Variants in C8orf34 observed in about 807,000 individuals in gnomAD.
C8orf34 encodes chromosome 8 open reading frame 34, also known as uncharacterized protein C8orf34.
In C8orf34, 65 loss-of-function variants were observed where a neutral mutation model predicts 68.3. That is an observed-to-expected ratio of 0.95 (90% CI 0.78 to 1.17). The LOEUF (loss-of-function observed/expected upper bound fraction) is 1.17. Ranked by LOEUF, C8orf34 falls within the 50% of genes most tolerant of loss-of-function variation. The pLI, the probability that C8orf34 is intolerant of heterozygous loss-of-function variation, is 0.00. For synonymous variants in C8orf34, 244 were observed against 241.2 expected, an observed-to-expected ratio of 1.01 and a Z score of -0.11; for missense variants, 664 against 655.4, an observed-to-expected ratio of 1.01 and a Z score of -0.14.
At chr8:68,462,759 A>G (rs1811903919) in intron 3 of C8orf34, among the ~76,000 whole-genome samples, 2 of 152,140 alleles carry the variant, frequency 1.3e-5, no homozygotes, top group Non-Finnish European at 2.9e-5. Flanking sequence ...CAAAGACACA[A>G]CATACCAGAA....
rs562881468 is a variant in C8orf34 at position 68,473,216 on chromosome 8, G to A, written c.736+4396G>A. ...AGGAGAACAGTTCTCTCTCTTGTAA[G>A]AGAGAGGGGTGCCCAAATGGGACTT... On this transcript the variant is annotated intron_variant, in intron 4 of 13. Transcript: ENST00000518698. Among the ~76,000 whole-genome samples the A allele has an allele frequency of 2.4e-4, 36 of 152,264 alleles. No homozygotes were observed. In the South Asian group the frequency reaches 3.9e-3, roughly 17 times the overall value.
chr8:68,625,741 T>G (rs1230011605), intron 7 of C8orf34: 1 of 549,346 alleles, frequency 1.8e-6, no homozygotes, highest in African/African-American at 1.9e-5. Context: ...AACAGCAATT[T>G]TAGTATATGG....
chr8:68,447,327 A>G (rs1217107116), intron 3 of C8orf34: 1 of 152,194 alleles, frequency 6.6e-6, no homozygotes, highest in Non-Finnish European at 1.5e-5. Flanking sequence ...TTGGTGATCA[A>G]ATTTACCATG....
At chr8:68,583,677 G>A (rs541716468) in intron 7 of C8orf34, among the ~76,000 whole-genome samples, 1 of 152,266 alleles carries the variant, frequency 6.6e-6, no homozygotes, top group South Asian at 2.1e-4. Flanking sequence ...CTACACTCAT[G>A]TCATCAACAG....
At chr8:68,391,707 C>T (rs905777199) in intron 1 of C8orf34, among the ~76,000 whole-genome samples, 3 of 152,214 alleles carry the variant, frequency 2.0e-5, no homozygotes, top group Non-Finnish European at 4.4e-5. Context: ...TTCTCACTCA[C>T]ACTCCATGTC....
intron 7 of C8orf34, among the ~76,000 whole-genome samples, chr8:68,554,520 T>C (rs1816190303): frequency 6.6e-6 from 1 of 152,172 alleles, no homozygotes; most frequent in Admixed American, 6.5e-5. Context: ...CTTTTTTTCC[T>C]ATCTCAGCTG....
At chr8:68,550,321 T>G (rs1816023238) in intron 7 of C8orf34, among the ~76,000 whole-genome samples, 1 of 151,800 alleles carries the variant, frequency 6.6e-6, no homozygotes, top group African/African-American at 2.4e-5. Context: ...TCCAAGTCCA[T>G]GTTTAAATTA....
At chr8:68,764,771 G>A (rs896544052) in intron 10 of C8orf34, among the ~76,000 whole-genome samples, 1 of 152,082 alleles carries the variant, frequency 6.6e-6, no homozygotes, top group African/African-American at 2.4e-5. Flanking sequence ...AGATAGTCGG[G>A]AACAAGGACT....
chr8:68,534,402 C>A (rs558009922), intron 7 of C8orf34: 1 of 885,908 alleles, frequency 1.1e-6, no homozygotes, highest in Admixed American at 6.2e-5. Context: ...TGGCTGGGGT[C>A]TGGGAACATA....
rs964422253 is a variant in C8orf34, at chr8:68,696,359, T to C, written c.1242-12635T>C. The stretch of plus-strand genomic sequence containing the variant: ...GATTATATTATATATTGATTATATA[T>C]ATAGATTATATAGAGAGATTATATA... On this transcript the variant is annotated intron_variant, in intron 8 of 13. Coordinates refer to ENST00000518698, the MANE Select transcript of C8orf34 (RefSeq NM_052958.4). Among the ~76,000 whole-genome samples the C allele has an allele frequency of 6.1e-5, 9 of 148,646 alleles. No homozygotes were observed. In the East Asian group the frequency reaches 1.6e-3, roughly 26 times the overall value.
intron 6 of C8orf34, among the ~76,000 whole-genome samples, chr8:68,526,686 CAAA>C (rs370357862): frequency 3.0e-5 from 4 of 133,224 alleles, no homozygotes; most frequent in Admixed American, 7.5e-5. Flanking sequence ...TGACTGGAGT[CAAA>C]AAAAAAAAAA....
At chr8:68,368,531 G>C (rs556515738) in intron 1 of C8orf34, among the ~76,000 whole-genome samples, 30 of 152,068 alleles carry the variant, frequency 2.0e-4, no homozygotes, top group Non-Finnish European at 3.4e-4. Flanking sequence ...GAAGAGAGTG[G>C]TAAACTTCAT....
chr8:68,507,734 G>C (rs541130046), intron 5 of C8orf34, among the ~76,000 whole-genome samples: 11 of 152,238 alleles, frequency 7.2e-5, no homozygotes, highest in African/African-American at 2.6e-4. Context: ...TTTTATATCT[G>C]AAACAGTTTC....
intron 7 of C8orf34, chr8:68,625,418 A>C (rs773273268): frequency 1.5e-5 from 8 of 518,680 alleles, no homozygotes; most frequent in Non-Finnish European, 2.8e-5. Context: ...AGAATGCTGC[A>C]TGAGATGTTA....
In C8orf34 at chr8:68,737,501, A is replaced by G. The variant is rs577872160; in HGVS notation, c.1404+16064A>G. Reference sequence around the variant, plus strand: ...TCAGCTGAATAAAGAACCAAGGCCCATTGGTATGCTGTCTTGAAGAGACCC... The same window carrying G: ...TCAGCTGAATAAAGAACCAAGGCCCGTTGGTATGCTGTCTTGAAGAGACCC... On this transcript the variant is annotated intron_variant, in intron 10 of 13. Transcript: ENST00000518698. Among the ~76,000 whole-genome samples the G allele has an allele frequency of 1.9e-3, 284 of 152,178 alleles. 3 individuals carry two copies. The highest frequency in any genetic ancestry group is 3.4e-3 in the Non-Finnish European group (232 of 67,944).
chr8:68,352,005 C>G (rs1456018916), intron 1 of C8orf34, among the ~76,000 whole-genome samples: 1 of 151,920 alleles, frequency 6.6e-6, no homozygotes, highest in Non-Finnish European at 1.5e-5. Flanking sequence ...CTTTGGTGAG[C>G]TGTTTGTTAA....
chr8:68,818,153 T>G, intron 13 of C8orf34, 86 bp from the exon 14 acceptor site: 1 of 1,398,752 alleles, frequency 7.1e-7, no homozygotes, highest in Non-Finnish European at 1.0e-6. Context: ...GAGGAAAGCA[T>G]TAAAATCACA....
intron 5 of C8orf34, among the ~76,000 whole-genome samples, chr8:68,518,507 G>A (rs1814611224): frequency 6.6e-6 from 1 of 151,980 alleles, no homozygotes; most frequent in South Asian, 2.1e-4. Flanking sequence ...ATAACAGACA[G>A]CCTCTAGTAT....
intron 7 of C8orf34, among the ~76,000 whole-genome samples, chr8:68,558,322 C>G (rs1434429843): frequency 1.3e-5 from 2 of 151,950 alleles, no homozygotes; most frequent in Non-Finnish European, 2.9e-5. Flanking sequence ...TTGAATCTAA[C>G]TTTGATTACT....
Sources: gnomAD v4.1 joint callset for allele counts (sites outside exome capture counted in the v4.1 genomes callset) on GRCh38, gnomAD v4.1.1 for gene constraint, MANE v1.5 for transcripts, NCBI Gene and HGNC (gene_info 2026-07-23, HGNC 2026-07-21) for gene names.